The following WDR4 variants were observed in gnomAD, a reference collection of about 807,000 sequenced individuals.
WDR4 encodes the protein tRNA (guanine-N(7)-)-methyltransferase non-catalytic subunit WDR4.
WDR4 carries 47 observed loss-of-function variants against 48.6 expected under a neutral mutation model. The ratio of observed to expected loss-of-function variants is 0.97; its 90% CI spans 0.77 to 1.23. WDR4 has a LOEUF of 1.23. Among genes scored for constraint, WDR4 ranks in the 50% most tolerant of loss-of-function variants. WDR4 has a pLI of 0.00. For missense variants in WDR4, 606 were observed against 551.6 expected, an observed-to-expected ratio of 1.10 and a Z score of -0.99; for synonymous variants, 268 against 230.0, an observed-to-expected ratio of 1.17 and a Z score of -1.49.
intron 6 of WDR4, among the ~76,000 whole-genome samples, chr21:42,856,886 C>T (rs368772895): frequency 6.6e-6 from 1 of 151,958 alleles, no homozygotes. Flanking sequence ...AACCTCTCTA[C>T]GAAGACAAGA....
intron 5 of WDR4, 84 bp from the exon 6 acceptor site, chr21:42,859,806 TAAGG>T (rs2058075914): frequency 7.3e-7 from 1 of 1,378,714 alleles, no homozygotes; most frequent in South Asian, 1.2e-5. Context: ...CCTGTTCATC[TAAGG>T]AAGAGAAGCC....
chr21:42,862,283 C>G lies in WDR4; in HGVS notation c.565G>C (p.Glu189Gln). ...SIESFCLGHT[E>Q]FVSRISVVPT... The stretch of plus-strand genomic sequence containing the variant: ...GGAGGGGCAGGAAGGGGCACTCACT[C>G]TGTGTGCCCCAAGCAGAAGGACTCG... Residue 189 changes from glutamate (E) to glutamine (Q), a missense_variant and splice_region_variant, in exon 5 of 11, where the codon GAG (glutamate) becomes CAG (glutamine). Transcript: ENST00000398208. The surrounding 1 kb of genome is among the most constrained non-coding windows in gnomAD (Gnocchi z 4.3). The G allele has an allele frequency of 6.2e-7, 1 of 1,603,148 alleles. No homozygotes were observed. Among genetic ancestry groups the G allele is most frequent in the Non-Finnish European group, 8.5e-7 (1 of 1,174,524 alleles).
chr21:42,844,761 CAG>C (rs139048338), downstream of WDR4, among the ~76,000 whole-genome samples: 47 of 152,348 alleles, frequency 3.1e-4, 1 homozygote, highest in East Asian at 8.7e-3. Flanking sequence ...GGGAGCTGGA[CAG>C]AGGCAAGGAA....
the WDR4 span, among the ~76,000 whole-genome samples, chr21:42,890,419 C>T: frequency 2.0e-5 from 3 of 152,014 alleles, no homozygotes; most frequent in Non-Finnish European, 4.4e-5. Context: ...GCCTGTAATC[C>T]CAGCTACTCG....
the WDR4 span, among the ~76,000 whole-genome samples, chr21:42,887,726 T>C: frequency 6.6e-6 from 1 of 152,226 alleles, no homozygotes; most frequent in Admixed American, 6.5e-5. Context: ...TTTACCAGCC[T>C]GGCCAACATG....
At chr21:42,864,561 C>A (rs1026079843) in intron 3 of WDR4, among the ~76,000 whole-genome samples, 7 of 152,174 alleles carry the variant, frequency 4.6e-5, no homozygotes, top group Admixed American at 2.0e-4. Flanking sequence ...GGTTATCCAG[C>A]GTGTGAGAGG....
intron 7 of WDR4, 43 bp downstream of exon 7, chr21:42,855,639 T>A: frequency 6.9e-7 from 1 of 1,454,110 alleles, no homozygotes; most frequent in Non-Finnish European, 9.3e-7. Context: ...ACTGCCGGTG[T>A]CTACAAGCAC....
At chr21:42,878,041 CA>C (rs60952239) in intron 1 of WDR4, among the ~76,000 whole-genome samples, 6,130 of 114,768 alleles carry the variant, frequency 0.053, 417 homozygotes, top group African/African-American at 0.17. Context: ...CGAGACTCCT[CA>C]AAAAAAAAAA....
In WDR4 at chr21:42,862,785, ACAC is replaced by A. The variant is rs2058149595; in HGVS notation, c.454-394_454-392del. Among the ~76,000 whole-genome samples, 1 of 151,930 alleles carries A rather than the reference ACAC, an allele frequency of 6.6e-6. No homozygotes were observed. The highest frequency in any genetic ancestry group is 6.5e-5 in the Admixed American group (1 of 15,272). On this transcript the variant is annotated intron_variant, in intron 4 of 10. Coordinates refer to ENST00000398208, the MANE Select transcript of WDR4 (RefSeq NM_018669.6). This position sits in a 1 kb window ranked among gnomAD's most constrained non-coding sequence, Gnocchi z 4.3. ...TTGCCTTCCTGTCACACATGTCCCC[ACAC>A]CCATCTGTCACCAAGTCCCAGTGAG...
Position 42,873,673 on chromosome 21 carries a change from G to T in WDR4, c.174C>A (p.Asp58Glu). The T allele has an allele frequency of 1.2e-6, 2 of 1,614,026 alleles. No homozygotes were observed. Among genetic ancestry groups the T allele is most frequent in the East Asian group, 2.2e-5 (1 of 44,876 alleles). Residue 58 changes from aspartate (D) to glutamate (E), a missense_variant, in exon 3 of 11, where the codon GAC (aspartate) becomes GAA (glutamate). By Grantham distance (45) the Asp-to-Glu change is conservative. Transcript: ENST00000398208. The part of the protein sequence containing the change: ...QENKGEDAPL[D>E]QGSGAILAST... ...ACGCCAGAATCGCACCGCTCCCCTG[G>T]TCCAAGGGCGCGTCCTCCCTGAGGA...
At chr21:42,863,718 T>C in intron 3 of WDR4, 122 bp from the exon 4 acceptor site, 1 of 1,180,160 alleles carries the variant, frequency 8.5e-7, no homozygotes, top group South Asian at 1.7e-5. Context: ...GTTTTCCAGC[T>C]GCTGAAGGTG....
intron 3 of WDR4, among the ~76,000 whole-genome samples, chr21:42,870,013 CA>C (rs35193980): frequency 2.0e-3 from 249 of 124,872 alleles, no homozygotes; most frequent in Middle Eastern, 0.01. Flanking sequence ...AACTCCATCT[CA>C]AAAAAAAAAA....
At position 42,851,234 on chromosome 21, in the gene WDR4, G is replaced by A. The variant is rs371822555; in HGVS notation, c.1046-992C>T. 1.2e-4 allele frequency among the ~76,000 whole-genome samples: 18 copies of A among 152,298 alleles called. No homozygotes were observed. In the East Asian group the frequency reaches 1.9e-3, roughly 16 times the overall value. ...TGCCCGGCCATGAGCACTGCCGCCTGCAGTCCCTGACACAGCCAGTGACAG... is the reference window on the plus strand; with the variant it reads ...TGCCCGGCCATGAGCACTGCCGCCTACAGTCCCTGACACAGCCAGTGACAG... On this transcript the variant is annotated intron_variant, in intron 10 of 10. Transcript: ENST00000398208.
intron 6 of WDR4, among the ~76,000 whole-genome samples, chr21:42,859,451 G>T (rs1051733429): frequency 6.6e-6 from 1 of 152,062 alleles, no homozygotes; most frequent in Non-Finnish European, 1.5e-5. Context: ...TCCCACAGGC[G>T]AACACACACG....
At position 42,849,538 on chromosome 21, in the gene WDR4, GGGCTAC is replaced by G. The variant is rs894421640; in HGVS notation, c.*505_*510del. 6.5e-5 allele frequency: 10 copies of G among 153,058 alleles called. No individual in the cohort carries two copies. Among genetic ancestry groups the G allele is most frequent in the African/African-American group, 2.4e-4 (10 of 41,466 alleles). 9.5% of individuals were successfully genotyped at this position (153,058 alleles called of 1,614,324 possible). A position where few individuals can be genotyped will look rare whatever the true frequency, so the allele number is the denominator to read the frequency against. On this transcript the variant is annotated 3_prime_UTR_variant, in exon 11 of 11. Coordinates refer to ENST00000398208, the MANE Select transcript of WDR4 (RefSeq NM_018669.6). ...CTCCAGGAGCAGCTCCTGAGCACAAGGGCTACGGCTGGGGCTGGGGCAGGCTCAAGC... is the reference window on the plus strand; with the variant it reads ...CTCCAGGAGCAGCTCCTGAGCACAAGGGCTGGGGCTGGGGCAGGCTCAAGC...
At chr21:42,866,112 T>G (rs2058240016) in intron 3 of WDR4, among the ~76,000 whole-genome samples, 4 of 152,096 alleles carry the variant, frequency 2.6e-5, no homozygotes, top group Admixed American at 2.6e-4. Context: ...ACTGGGAGGA[T>G]TTCTCCCTCA....
intron 2 of WDR4, among the ~76,000 whole-genome samples, chr21:42,874,274 C>A (rs574910057): frequency 6.6e-6 from 1 of 152,154 alleles, no homozygotes; most frequent in East Asian, 1.9e-4. Flanking sequence ...CAGTCAATAC[C>A]CTTGTGATTT....
chr21:42,862,453 T>TCCCTCATG lies in WDR4; in HGVS notation c.454-67_454-60dup, dbSNP rs2058141246. The TCCCTCATG allele has an allele frequency of 1.3e-6, 2 of 1,484,578 alleles. No individual in the cohort carries two copies. The highest frequency in any genetic ancestry group is 4.9e-5 in the East Asian group (2 of 40,762). 92.0% of individuals were successfully genotyped at this position (1,484,578 alleles called of 1,614,324 possible). On this transcript the variant is annotated intron_variant, in intron 4 of 10. Coordinates refer to ENST00000398208, the MANE Select transcript of WDR4 (RefSeq NM_018669.6). The surrounding 1 kb of genome is among the most constrained non-coding windows in gnomAD (Gnocchi z 4.3). ...CTCACCTGAGTCTTCCCGAATCAAG[T>TCCCTCATG]CCCTCATGGAAGAAGGCAGGGAAGC...
At position 42,864,292 on chromosome 21, in the gene WDR4, C is replaced by T. The variant is rs1041485623; in HGVS notation, c.297-696G>A. 2.6e-5 allele frequency among the ~76,000 whole-genome samples: 4 copies of T among 151,740 alleles called. No individual in the cohort carries two copies. In the East Asian group the frequency reaches 7.8e-4, roughly 29 times the overall value. On this transcript the variant is annotated intron_variant, in intron 3 of 10. Transcript: ENST00000398208. ...TCATGCATTGAGGGAGACAACGGCCCTCTCCATAAACGCTGAGTGTGCTGG... is the reference window on the plus strand; with the variant it reads ...TCATGCATTGAGGGAGACAACGGCCTTCTCCATAAACGCTGAGTGTGCTGG...
Sources: gnomAD v4.1 joint callset for allele counts (sites outside exome capture counted in the v4.1 genomes callset) on GRCh38, gnomAD v4.1.1 for gene constraint, Gnocchi (gnomAD v3.1) non-coding constraint, MANE v1.5 for transcripts, NCBI Gene and HGNC (gene_info 2026-07-23, HGNC 2026-07-21) for gene names.